The following PRDM15 variants were observed in gnomAD, a reference collection of about 807,000 sequenced individuals.
PRDM15 encodes the protein PR/SET domain 15, also known as PR domain zinc finger protein 15.
PRDM15 carries 64 observed loss-of-function variants against 128.6 expected under a neutral mutation model. The ratio of observed to expected loss-of-function variants is 0.50; its 90% CI spans 0.41 to 0.61. PRDM15 has a LOEUF of 0.61. Among genes scored for constraint, PRDM15 ranks in the 20% least tolerant of loss-of-function variants. The pLI, the probability that PRDM15 is intolerant of heterozygous loss-of-function variation, is 0.00. For missense variants in PRDM15, 1,242 were observed against 1,569.1 expected, an observed-to-expected ratio of 0.79 and a Z score of 3.52; for synonymous variants, 615 against 621.8, an observed-to-expected ratio of 0.99 and a Z score of 0.16.
chr21:41,801,010 G>A lies in PRDM15; in HGVS notation c.*230C>T, dbSNP rs1351571200. Reference sequence around the variant, plus strand: ...AGGACTTACTGCCTTGGTAAGGCATGGTGTGGAGCCCCATCCAGTTTAAAA... The same window carrying A: ...AGGACTTACTGCCTTGGTAAGGCATAGTGTGGAGCCCCATCCAGTTTAAAA... On this transcript the variant is annotated 3_prime_UTR_variant, in exon 24 of 24. Coordinates refer to ENST00000398548, the MANE Select transcript of PRDM15 (RefSeq NM_001040424.3). 1 of 490,748 alleles carries A rather than the reference G, an allele frequency of 2.0e-6. No individual in the cohort carries two copies. The highest frequency in any genetic ancestry group is 3.5e-6 in the Non-Finnish European group (1 of 289,340). The allele number at this position is 490,748 out of a possible 1,614,324, so 30.4% of individuals were successfully genotyped here.
At chr21:41,815,989 C>T (rs577710378) in intron 18 of PRDM15, among the ~76,000 whole-genome samples, 153 bp from the exon 19 acceptor site, 2 of 152,196 alleles carry the variant, frequency 1.3e-5, no homozygotes, top group Non-Finnish European at 1.5e-5. Flanking sequence ...AGTCCACCAG[C>T]GGTGAGACCT....
At chr21:41,815,452 G>C (rs186639795) in intron 19 of PRDM15, among the ~76,000 whole-genome samples, 48 of 152,348 alleles carry the variant, frequency 3.2e-4, no homozygotes, top group African/African-American at 1.1e-3. Context: ...AACATTTAAA[G>C]ACTGACCAGT....
chr21:41,858,445 C>T (rs2063708082), intron 3 of PRDM15, among the ~76,000 whole-genome samples: 1 of 151,628 alleles, frequency 6.6e-6, no homozygotes, highest in South Asian at 2.1e-4. Flanking sequence ...CCGACAGAGG[C>T]GGACATGGGG....
At position 41,828,409 on chromosome 21, in the gene PRDM15, A is replaced by T; in HGVS notation, c.1367-76T>A. ...CACGCAGGCACGCACGTGTGGCCTG[A>T]ACGTCAATAAAGCGCGGGTGACGGG... On this transcript the variant is annotated intron_variant, in intron 11 of 23. Transcript: ENST00000398548. This position sits in a 1 kb window ranked among gnomAD's most constrained non-coding sequence, Gnocchi z 5.7. 6.6e-7 allele frequency: 1 copy of T among 1,511,558 alleles called. No individual in the cohort carries two copies. Among genetic ancestry groups the T allele is most frequent in the South Asian group, 1.1e-5 (1 of 87,864 alleles). 93.6% of individuals were successfully genotyped at this position (1,511,558 alleles called of 1,614,324 possible). A position where few individuals can be genotyped will look rare whatever the true frequency, so the allele number is the denominator to read the frequency against.
chr21:41,835,987 C>A, intron 10 of PRDM15, 126 bp downstream of exon 10: 1 of 427,764 alleles, frequency 2.3e-6, no homozygotes. Context: ...TCCTCCCTCC[C>A]CCACAGCCCC....
chr21:41,860,171 T>C (rs1368122290), intron 2 of PRDM15, among the ~76,000 whole-genome samples, 156 bp downstream of exon 2: 3 of 152,046 alleles, frequency 2.0e-5, no homozygotes, highest in African/African-American at 7.2e-5. Flanking sequence ...GCTTATTAAA[T>C]AAATGTTTCA....
At chr21:41,822,256 G>A (rs762741499) in intron 14 of PRDM15, among the ~76,000 whole-genome samples, 3 of 152,220 alleles carry the variant, frequency 2.0e-5, no homozygotes, top group East Asian at 1.9e-4. Flanking sequence ...TCTCCACGCC[G>A]CCCGCGGCTT....
intron 5 of PRDM15, 112 bp from the exon 6 acceptor site, chr21:41,847,303 T>C (rs2146714014): frequency 2.9e-6 from 2 of 698,840 alleles, no homozygotes; most frequent in South Asian, 3.8e-5. Context: ...ATGACAGTGA[T>C]GACGGCAGCA....
intron 11 of PRDM15, among the ~76,000 whole-genome samples, chr21:41,831,033 A>G (rs943976776): frequency 5.3e-5 from 8 of 152,354 alleles, no homozygotes; most frequent in Non-Finnish European, 7.4e-5. Context: ...TGTGTCGCCA[A>G]CGTGGGAGGA....
In PRDM15 at chr21:41,859,717, C is replaced by G; in HGVS notation, c.38-32G>C. ...GCAGACATCCGGGCATTAGAGCACC[C>G]AGGGAGGGAGACACCTAAAGAACAC... is the stretch of plus-strand genomic sequence containing the variant. On this transcript the variant is annotated intron_variant, in intron 2 of 23. Coordinates refer to ENST00000398548, the MANE Select transcript of PRDM15 (RefSeq NM_001040424.3). The surrounding 1 kb of genome is among the most constrained non-coding windows in gnomAD (Gnocchi z 5.3). The G allele has an allele frequency of 6.3e-7, 1 of 1,585,882 alleles. No homozygotes were observed. The highest frequency in any genetic ancestry group is 8.6e-7 in the Non-Finnish European group (1 of 1,156,442).
chr21:41,801,759 T>C (rs1441085073), intron 23 of PRDM15, 37 bp from the exon 24 acceptor site: 3 of 1,586,938 alleles, frequency 1.9e-6, no homozygotes, highest in South Asian at 1.1e-5. Flanking sequence ...CCGTTCATTT[T>C]TGCAAAATGG....
Position 41,825,963 on chromosome 21 carries a change from G to A in PRDM15, c.1626C>T (p.Gly542=). 1.2e-6 allele frequency: 2 copies of A among 1,612,342 alleles called. No homozygotes were observed. The highest frequency in any genetic ancestry group is 1.7e-6 in the Non-Finnish European group (2 of 1,178,470). The change falls in exon 13 of 24, where the codon GGC becomes GGT. Residue 542 remains glycine, a synonymous_variant. Transcript: ENST00000398548. ...CGACGTGGACTGCGAGCATTACCTTGCCACACACCGGGCACCCGGAAGGCT... is the reference window on the plus strand; with the variant it reads ...CGACGTGGACTGCGAGCATTACCTTACCACACACCGGGCACCCGGAAGGCT... ...KKEPSGCPVC[G]KVFSCRSNMN...
intron 7 of PRDM15, 92 bp from the exon 8 acceptor site, chr21:41,838,155 C>G: frequency 7.3e-7 from 1 of 1,373,908 alleles, no homozygotes; most frequent in Non-Finnish European, 1.0e-6. Context: ...ATGGGAACCA[C>G]AGCCAGGCCA....
At chr21:41,809,282 G>C (rs570570831) in intron 21 of PRDM15, among the ~76,000 whole-genome samples, 2 of 150,414 alleles carry the variant, frequency 1.3e-5, no homozygotes, top group Non-Finnish European at 3.0e-5. Flanking sequence ...ACCCAGGCTG[G>C]AGTGCAGTGG....
chr21:41,857,386 C>T lies in PRDM15; in HGVS notation c.132-57G>A, dbSNP rs780963767. On this transcript the variant is annotated intron_variant, in intron 3 of 23. Transcript: ENST00000398548. ...GAGCACTCACACCCAGGGACCGACT[C>T]GTTAAGATAACCTAAAAGCTCGCCC... is the stretch of plus-strand genomic sequence containing the variant. 8 of 1,583,588 alleles carry T rather than the reference C, an allele frequency of 5.1e-6. No individual in the cohort carries two copies. The African/African-American group carries it at 5.4e-5, about 11-fold the overall frequency.
At chr21:41,813,204 G>T (rs1162390485) in intron 19 of PRDM15, 1 of 152,264 alleles carries the variant, frequency 6.6e-6, no homozygotes, top group Non-Finnish European at 1.5e-5. Context: ...ACTCAGTCCT[G>T]AGGGCTCACT....
rs574533030 is a variant in PRDM15, at chr21:41,822,084, T to C, written c.1762-47A>G. On this transcript the variant is annotated intron_variant, in intron 14 of 23. Coordinates refer to ENST00000398548, the MANE Select transcript of PRDM15 (RefSeq NM_001040424.3). The stretch of plus-strand genomic sequence containing the variant: ...CGGTTTCTAACAGCGCAGCAGACGC[T>C]TCACTCAGTTATCTACACCGCAGGG... The C allele has an allele frequency of 5.6e-6, 9 of 1,610,046 alleles. No individual in the cohort carries two copies. The Admixed American group carries it at 1.0e-4, about 18-fold the overall frequency.
chr21:41,876,385 G>A (rs1027180463), intron 1 of PRDM15, among the ~76,000 whole-genome samples: 1 of 152,150 alleles, frequency 6.6e-6, no homozygotes, highest in Admixed American at 6.5e-5. Flanking sequence ...GGAGCAGAAG[G>A]GGCTTGGTCA....
intron 1 of PRDM15, among the ~76,000 whole-genome samples, chr21:41,874,525 A>ATTTTTTTTTTTT (rs61045274): frequency 6.3e-5 from 6 of 95,828 alleles, no homozygotes; most frequent in African/African-American, 8.3e-5. Context: ...ATATATATAT[A>ATTTTTTTTTTTT]TTTTTTTTTT....
Sources: allele counts gnomAD v4.1 joint callset (sites outside exome capture counted in the v4.1 genomes callset), GRCh38; gene constraint gnomAD v4.1.1; non-coding constraint Gnocchi (gnomAD v3.1); transcripts MANE v1.5; gene names NCBI Gene and HGNC (gene_info 2026-07-23, HGNC 2026-07-21).